The following CCDC85A variants were observed in gnomAD, a reference collection of about 807,000 sequenced individuals.
The protein encoded by CCDC85A is coiled-coil domain-containing protein 85A.
In CCDC85A, 38 loss-of-function variants were observed where a neutral mutation model predicts 50.2. That is an observed-to-expected ratio of 0.76 (90% CI 0.58 to 0.99). The LOEUF (loss-of-function observed/expected upper bound fraction) is 0.99, where lower values mean the gene tolerates loss of function less well. Ranked by LOEUF, CCDC85A falls within the 50% of genes least tolerant of loss-of-function variation. CCDC85A has a pLI of 0.00. For synonymous variants in CCDC85A, 366 were observed against 301.4 expected (o/e 1.21, Z -2.22); for missense variants, 820 against 742.0 (o/e 1.11, Z -1.22).
At chr2:56,362,535 AGATGGAGAAG>A (rs1675583060) in intron 3 of CCDC85A, among the ~76,000 whole-genome samples, 2 of 152,120 alleles carry the variant, frequency 1.3e-5, no homozygotes, top group Admixed American at 1.3e-4. Flanking sequence ...CAAGATTTAA[AGATGGAGAAG>A]GAGAGAGGAG....
At chr2:56,204,318 A>C (rs1232825841) in intron 2 of CCDC85A, among the ~76,000 whole-genome samples, 1 of 152,232 alleles carries the variant, frequency 6.6e-6, no homozygotes, top group African/African-American at 2.4e-5. Flanking sequence ...TGGAATAATA[A>C]CGACATATAA....
intron 5 of CCDC85A, among the ~76,000 whole-genome samples, chr2:56,378,806 A>G (rs972001850): frequency 2.0e-5 from 3 of 152,204 alleles, no homozygotes; most frequent in African/African-American, 7.2e-5. Context: ...GAACATCAGC[A>G]TTGTCCGTGA....
At chr2:56,359,328 A>G (rs1675410240) in intron 3 of CCDC85A, among the ~76,000 whole-genome samples, 1 of 152,158 alleles carries the variant, frequency 6.6e-6, no homozygotes, top group African/African-American at 2.4e-5. Flanking sequence ...GGATGCTTGC[A>G]TTTGACTTGA....
chr2:56,325,020 C>G (rs6710608), intron 2 of CCDC85A, among the ~76,000 whole-genome samples: 1 of 149,026 alleles, frequency 6.7e-6, no homozygotes, highest in South Asian at 2.1e-4. Flanking sequence ...AACATGAAAA[C>G]TTAAAGATTT....
At chr2:56,202,316 A>G (rs564263494) in intron 2 of CCDC85A, among the ~76,000 whole-genome samples, 1 of 152,212 alleles carries the variant, frequency 6.6e-6, no homozygotes, top group Non-Finnish European at 1.5e-5. Flanking sequence ...ACCAAAATGC[A>G]TTTTTAATAG....
chr2:56,185,998 G>T (rs769593407), intron 1 of CCDC85A, among the ~76,000 whole-genome samples: 1 of 152,206 alleles, frequency 6.6e-6, no homozygotes, highest in Non-Finnish European at 1.5e-5. Context: ...AGTAGATGCT[G>T]TTCCGGAATT....
At chr2:56,363,814 T>C (rs1208571314) in intron 3 of CCDC85A, among the ~76,000 whole-genome samples, 1 of 152,224 alleles carries the variant, frequency 6.6e-6, no homozygotes, top group Non-Finnish European at 1.5e-5. Context: ...TTAATTAGCA[T>C]TACTTCTTTG....
intron 3 of CCDC85A, among the ~76,000 whole-genome samples, chr2:56,348,800 T>A (rs1674757893): frequency 6.6e-6 from 1 of 152,212 alleles, no homozygotes; most frequent in Non-Finnish European, 1.5e-5. Context: ...ATTATTCCCC[T>A]TATGTGCGTT....
At position 56,248,631 on chromosome 2, in the gene CCDC85A, A is replaced by G. The variant is rs540770815; in HGVS notation, c.1240+55191A>G. On this transcript the variant is annotated intron_variant, in intron 2 of 5. Transcript: ENST00000407595. ...GGCTCAACACAAACGTAGCAATTTCAGGCAATAGTGGAAGTCAGAGTGAGG... is the reference window on the plus strand; with the variant it reads ...GGCTCAACACAAACGTAGCAATTTCGGGCAATAGTGGAAGTCAGAGTGAGG... Among the ~76,000 whole-genome samples, 4 of 152,332 alleles carry G rather than the reference A, an allele frequency of 2.6e-5. No individual in the cohort carries two copies. In the South Asian group the frequency reaches 8.3e-4, roughly 32 times the overall value.
chr2:56,376,050 T>G (rs558539734), intron 5 of CCDC85A, 115 bp downstream of exon 5: 1 of 1,093,086 alleles, frequency 9.1e-7, no homozygotes, highest in South Asian at 2.3e-5. Flanking sequence ...ATTTTTTGAC[T>G]CCTTATGGTG....
chr2:56,372,515 T>A (rs1215291663), intron 4 of CCDC85A, 37 bp downstream of exon 4: 1 of 1,527,630 alleles, frequency 6.5e-7, no homozygotes, highest in African/African-American at 1.4e-5. Flanking sequence ...CATTTGCTTG[T>A]GCATAACCAG....
At chr2:56,301,146 G>GA (rs1672184711) in intron 2 of CCDC85A, among the ~76,000 whole-genome samples, 1 of 152,052 alleles carries the variant, frequency 6.6e-6, no homozygotes, top group African/African-American at 2.4e-5. Context: ...GAAATAATAA[G>GA]AATTTTTCCC....
At chr2:56,238,315 C>T (rs746705120) in intron 2 of CCDC85A, among the ~76,000 whole-genome samples, 2 of 151,512 alleles carry the variant, frequency 1.3e-5, no homozygotes, top group African/African-American at 4.9e-5. Flanking sequence ...TATTCAGGAG[C>T]CTGAGGCAGG....
chr2:56,229,857 G>A (rs1352224597), intron 2 of CCDC85A, among the ~76,000 whole-genome samples: 1 of 152,082 alleles, frequency 6.6e-6, no homozygotes, highest in African/African-American at 2.4e-5. Flanking sequence ...CCAACAAATC[G>A]GTTTTCACCA....
chr2:56,196,371 A>C (rs910150813), intron 2 of CCDC85A, among the ~76,000 whole-genome samples: 25 of 152,368 alleles, frequency 1.6e-4, no homozygotes, highest in African/African-American at 6.0e-4. Context: ...GCATTTGTCC[A>C]TTCATTCAAA....
At chr2:56,355,829 T>A (rs1675197459) in intron 3 of CCDC85A, among the ~76,000 whole-genome samples, 1 of 152,226 alleles carries the variant, frequency 6.6e-6, no homozygotes, top group Non-Finnish European at 1.5e-5. Flanking sequence ...TGACCTAAAA[T>A]GCCTCTCACT....
At chr2:56,286,703 G>T (rs1184348181) in intron 2 of CCDC85A, among the ~76,000 whole-genome samples, 1 of 151,860 alleles carries the variant, frequency 6.6e-6, no homozygotes, top group African/African-American at 2.4e-5. Context: ...TCATCTCTTG[G>T]TCTCTGTATT....
At chr2:56,302,158 A>C (rs908250632) in intron 2 of CCDC85A, among the ~76,000 whole-genome samples, 21 of 152,180 alleles carry the variant, frequency 1.4e-4, no homozygotes, top group Admixed American at 1.2e-3. Flanking sequence ...CGGGAGGCTG[A>C]GGCAGGAGAA....
intron 2 of CCDC85A, among the ~76,000 whole-genome samples, chr2:56,233,292 C>A (rs534385651): frequency 1.3e-5 from 2 of 152,194 alleles, no homozygotes; most frequent in Non-Finnish European, 2.9e-5. Context: ...GGGGCCAGGA[C>A]TGGAACACTG....
Sources: allele counts gnomAD v4.1 joint callset (sites outside exome capture counted in the v4.1 genomes callset), GRCh38; gene constraint gnomAD v4.1.1; transcripts MANE v1.5; gene names NCBI Gene and HGNC (gene_info 2026-07-23, HGNC 2026-07-21).